Variants in SLC6A15 observed in about 807,000 individuals in gnomAD.
The protein encoded by SLC6A15 is sodium-dependent neutral amino acid transporter B(0)AT2.
In SLC6A15, 33 loss-of-function variants were observed where a neutral mutation model predicts 68.5. The observed-to-expected ratio is 0.48, with a 90% CI of 0.37 to 0.64. SLC6A15 has a LOEUF of 0.64. Ranked by LOEUF, SLC6A15 falls within the 30% of genes least tolerant of loss-of-function variation. The pLI, the probability that SLC6A15 is intolerant of heterozygous loss-of-function variation, is 0.00. For synonymous variants in SLC6A15, 347 were observed against 301.0 expected, an observed-to-expected ratio of 1.15 and a Z score of -1.58; for missense variants, 747 against 874.3, an observed-to-expected ratio of 0.85 and a Z score of 1.84.
At chr12:84,891,732 G>C (rs1434282576) in intron 2 of SLC6A15, 100 bp downstream of exon 2, 5 of 1,238,440 alleles carry the variant, frequency 4.0e-6, no homozygotes, top group African/African-American at 1.5e-5. Context: ...CAATGAAATT[G>C]AAAGTTTCAA....
chr12:84,864,393 C>G (rs1247459110), intron 10 of SLC6A15, among the ~76,000 whole-genome samples: 1 of 149,212 alleles, frequency 6.7e-6, no homozygotes, highest in African/African-American at 2.5e-5. Context: ...AATCTCGACT[C>G]ACTGCAACCT....
chr12:84,902,544 C>T (rs186477023), intron 1 of SLC6A15, among the ~76,000 whole-genome samples: 2 of 151,878 alleles, frequency 1.3e-5, no homozygotes, highest in Admixed American at 6.6e-5. Context: ...AAAACTTGTA[C>T]ACAAATGTCC....
intron 8 of SLC6A15, among the ~76,000 whole-genome samples, chr12:84,872,169 A>G (rs1871313600): frequency 6.6e-6 from 1 of 151,988 alleles, no homozygotes; most frequent in Admixed American, 6.6e-5. Flanking sequence ...AAAAAAAAAA[A>G]AGAACTTGAT....
chr12:84,862,725 C>CT (rs1332212318), intron 11 of SLC6A15, among the ~76,000 whole-genome samples: 27 of 152,088 alleles, frequency 1.8e-4, no homozygotes, highest in Admixed American at 1.4e-3. Context: ...TTAAATTGTA[C>CT]TTTGCTAATA....
chr12:84,901,870 A>C (rs1267874414), intron 1 of SLC6A15, among the ~76,000 whole-genome samples: 1 of 151,882 alleles, frequency 6.6e-6, no homozygotes, highest in Non-Finnish European at 1.5e-5. Flanking sequence ...TGAATATGAA[A>C]TGTTTAATTA....
At chr12:84,878,488 T>C (rs1445674167) in intron 5 of SLC6A15, among the ~76,000 whole-genome samples, 1 of 152,156 alleles carries the variant, frequency 6.6e-6, no homozygotes, top group Non-Finnish European at 1.5e-5. Context: ...AGCTTCTTTT[T>C]ATGTTTTTAA....
At position 84,861,958 on chromosome 12, in the gene SLC6A15, C is replaced by T; in HGVS notation, c.1867G>A (p.Val623Ile). 6.2e-7 allele frequency: 1 copy of T among 1,612,812 alleles called. No individual in the cohort carries two copies. Among genetic ancestry groups the T allele is most frequent in the Middle Eastern group, 1.7e-4 (1 of 6,046 alleles). Residue 623 changes from valine (V) to isoleucine (I), a missense_variant, in exon 12 of 12, where the codon GTC (valine) becomes ATC (isoleucine). Val to Ile is a conservative substitution (Grantham distance 29). Transcript: ENST00000266682. ...SYPTWGLVVC[V>I]SLVVFAILPV... ...AGTATTGCAAAGACAACCAGAGAGA[C>T]ACAAACAACCAGTCCCCATGTTGGA...
In SLC6A15 at chr12:84,861,406, A is replaced by C. The variant is rs1248209898; in HGVS notation, c.*226T>G. 1 of 416,700 alleles carries C rather than the reference A, an allele frequency of 2.4e-6. No homozygotes were observed. The highest frequency in any genetic ancestry group is 4.2e-6 in the Non-Finnish European group (1 of 239,062). 25.8% of individuals were successfully genotyped at this position (416,700 alleles called of 1,614,324 possible). On this transcript the variant is annotated 3_prime_UTR_variant, in exon 12 of 12. Coordinates refer to ENST00000266682, the MANE Select transcript of SLC6A15 (RefSeq NM_182767.6). ...TAAAAAAAAATCCTGGCAAACATGT[A>C]CCTCAGCCCTCCTAAGATTTGTCTG...
intron 1 of SLC6A15, among the ~76,000 whole-genome samples, chr12:84,902,794 TAAC>T (rs1418766891): frequency 6.6e-6 from 1 of 152,042 alleles, no homozygotes; most frequent in Non-Finnish European, 1.5e-5. Flanking sequence ...ATTTGTGAAA[TAAC>T]ATAATTATAG....
At chr12:84,869,632 T>A (rs1443522543) in intron 9 of SLC6A15, among the ~76,000 whole-genome samples, 1 of 152,174 alleles carries the variant, frequency 6.6e-6, no homozygotes, top group African/African-American at 2.4e-5. Context: ...TCTTCATTTA[T>A]GTATGTTTAC....
Position 84,876,399 on chromosome 12 carries a change from C to T in SLC6A15, c.867+98G>A, listed in dbSNP as rs181515917. On this transcript the variant is annotated intron_variant, in intron 6 of 11. Coordinates refer to ENST00000266682, the MANE Select transcript of SLC6A15 (RefSeq NM_182767.6). ...ATAATTTAAAAGTTTAATGTACATA[C>T]ATTAGAACAATTATTCCTTAAATAT... 2.8e-5 allele frequency: 19 copies of T among 688,304 alleles called. No homozygotes were observed. The African/African-American group carries it at 3.4e-4, about 12-fold the overall frequency. The allele number at this position is 688,304 out of a possible 1,614,324, so 42.6% of individuals were successfully genotyped here.
At chr12:84,903,656 C>T (rs1446929124) in intron 1 of SLC6A15, among the ~76,000 whole-genome samples, 1 of 152,066 alleles carries the variant, frequency 6.6e-6, no homozygotes, top group Admixed American at 6.6e-5. Flanking sequence ...TTACTCCATT[C>T]TCTGTTTCTG....
intron 8 of SLC6A15, among the ~76,000 whole-genome samples, chr12:84,872,103 G>C (rs1438478440): frequency 1.3e-5 from 2 of 150,742 alleles, no homozygotes; most frequent in African/African-American, 4.9e-5. Flanking sequence ...GATGCAGTGA[G>C]CCAAGATCGC....
At chr12:84,897,024 C>G (rs2079238406) in intron 1 of SLC6A15, among the ~76,000 whole-genome samples, 1 of 151,952 alleles carries the variant, frequency 6.6e-6, no homozygotes, top group Non-Finnish European at 1.5e-5. Context: ...AATTCCCTCT[C>G]CCCTAAAAAA....
At chr12:84,893,557 CA>C (rs1289662956) in intron 1 of SLC6A15, among the ~76,000 whole-genome samples, 2 of 152,142 alleles carry the variant, frequency 1.3e-5, no homozygotes, top group Non-Finnish European at 2.9e-5. Context: ...TGCTTCTCTT[CA>C]AATCTGAATT....
intron 1 of SLC6A15, among the ~76,000 whole-genome samples, chr12:84,899,286 A>C (rs1872752854): frequency 6.6e-6 from 1 of 152,164 alleles, no homozygotes; most frequent in South Asian, 2.1e-4. Context: ...GATGGAAGGG[A>C]CAAAAAACCC....
Position 84,892,227 on chromosome 12 carries a change from G to A in SLC6A15, c.-107C>T. 9.7e-7 allele frequency: 1 copy of A among 1,030,900 alleles called. No homozygotes were observed. The highest frequency in any genetic ancestry group is 1.6e-5 in the African/African-American group (1 of 61,750). The allele number at this position is 1,030,900 out of a possible 1,614,324, so 63.9% of individuals were successfully genotyped here. On this transcript the variant is annotated 5_prime_UTR_variant, in exon 2 of 12. Transcript: ENST00000266682. ...TTACTTGATAGGAAGTAAAGACCGA[G>A]GATGATATCAAATAAATCCTTGATT... is the stretch of plus-strand genomic sequence containing the variant.
chr12:84,905,137 C>T (rs1039836007), intron 1 of SLC6A15, among the ~76,000 whole-genome samples: 3 of 152,034 alleles, frequency 2.0e-5, no homozygotes, highest in Non-Finnish European at 4.4e-5. Flanking sequence ...GATCAATATT[C>T]CTAATGAATA....
intron 1 of SLC6A15, among the ~76,000 whole-genome samples, chr12:84,900,932 ATG>A (rs1872836333): frequency 1.1e-5 from 1 of 91,264 alleles, no homozygotes; most frequent in African/African-American, 7.0e-5. Flanking sequence ...ACATATATAC[ATG>A]TATATATGTG....
Sources: allele counts gnomAD v4.1 joint callset (sites outside exome capture counted in the v4.1 genomes callset), GRCh38; gene constraint gnomAD v4.1.1; transcripts MANE v1.5; gene names NCBI Gene and HGNC (gene_info 2026-07-23, HGNC 2026-07-21).